NRROS: variants seen among roughly 807,000 people sequenced by gnomAD.
NRROS encodes the protein transforming growth factor beta activator LRRC33.
NRROS carries 6 observed loss-of-function variants against 12.0 expected under a neutral mutation model. That is an observed-to-expected ratio of 0.50 (90% CI 0.27 to 0.98). The LOEUF (loss-of-function observed/expected upper bound fraction) is 0.98, where lower values mean the gene tolerates loss of function less well. NRROS is among the 50% of genes least tolerant of loss of function. The pLI is 0.11. For missense variants in NRROS, 857 were observed against 888.2 expected (o/e 0.96, Z 0.45); for synonymous variants, 462 against 410.2 (o/e 1.13, Z -1.53).
rs1272067990 is a variant in NRROS, at chr3:196,654,657, C to T, written c.108+10C>T. Reference sequence around the variant, plus strand: ...AGGAGTCTGCAAGTTGGTGAGTTTCCCTTGAACCCTGATCTGTCGGCTGCT... The same window carrying T: ...AGGAGTCTGCAAGTTGGTGAGTTTCTCTTGAACCCTGATCTGTCGGCTGCT... On this transcript the variant is annotated intron_variant, in intron 2 of 2. Coordinates refer to ENST00000328557, the MANE Select transcript of NRROS (RefSeq NM_198565.3). The surrounding 1 kb of genome is among the most constrained non-coding windows in gnomAD (Gnocchi z 4.4). 2.6e-6 allele frequency: 4 copies of T among 1,545,370 alleles called. No individual in the cohort carries two copies. In the African/African-American group the frequency reaches 4.1e-5, roughly 16 times the overall value.
chr3:196,658,779 C>T (rs1197312068), intron 2 of NRROS, among the ~76,000 whole-genome samples: 2 of 152,142 alleles, frequency 1.3e-5, no homozygotes, highest in Admixed American at 6.5e-5. Context: ...CCAGCCTGGT[C>T]AACATGGTGA....
chr3:196,647,921 C>G (rs752696205), intron 1 of NRROS, among the ~76,000 whole-genome samples: 1 of 152,170 alleles, frequency 6.6e-6, no homozygotes, highest in Non-Finnish European at 1.5e-5. Flanking sequence ...AGGCTGGTCT[C>G]GAACCCCTGA....
At chr3:196,648,484 CG>C (rs1737352025) in intron 1 of NRROS, among the ~76,000 whole-genome samples, 1 of 151,912 alleles carries the variant, frequency 6.6e-6, no homozygotes, top group Non-Finnish European at 1.5e-5. Flanking sequence ...ATCCAACATC[CG>C]GCCAAGCTCA....
intron 1 of NRROS, among the ~76,000 whole-genome samples, chr3:196,644,047 C>T (rs181666303): frequency 3.9e-5 from 6 of 152,226 alleles, no homozygotes; most frequent in Non-Finnish European, 7.3e-5. Flanking sequence ...TCATGGGCCT[C>T]GGCCGTTCTC....
intron 1 of NRROS, among the ~76,000 whole-genome samples, chr3:196,651,047 G>C (rs1003827328): frequency 1.3e-5 from 2 of 152,150 alleles, no homozygotes; most frequent in Non-Finnish European, 2.9e-5. Flanking sequence ...TGAGGATGTG[G>C]GAGGAGAGGA....
In NRROS at chr3:196,654,509, C is replaced by T. The variant is rs766098469; in HGVS notation, c.-13-18C>T. ...ATGTCCTTCTCTGACTTACCTCTTC[C>T]CTGCTCTCTGTCCACAGGGCTGCCC... On this transcript the variant is annotated intron_variant, in intron 1 of 2. Coordinates refer to ENST00000328557, the MANE Select transcript of NRROS (RefSeq NM_198565.3). The surrounding 1 kb of genome is among the most constrained non-coding windows in gnomAD (Gnocchi z 4.4). 3.5e-6 allele frequency: 5 copies of T among 1,447,488 alleles called. No homozygotes were observed. In the Admixed American group the frequency reaches 5.0e-5, roughly 15 times the overall value. The allele number at this position is 1,447,488 out of a possible 1,614,324, so 89.7% of individuals were successfully genotyped here. A position where few individuals can be genotyped will look rare whatever the true frequency, so the allele number is the denominator to read the frequency against.
chr3:196,643,367 A>G (rs1350048948), intron 1 of NRROS, among the ~76,000 whole-genome samples: 1 of 152,146 alleles, frequency 6.6e-6, no homozygotes, highest in Non-Finnish European at 1.5e-5. Flanking sequence ...CATGGTCCTC[A>G]CCCACGAGGT....
chr3:196,660,987 C>T lies in NRROS; in HGVS notation c.1344C>T (p.Asp448=), dbSNP rs1416381220. Residue 448 remains aspartate, a synonymous_variant, in exon 3 of 3, where the codon GAC becomes GAT. Transcript: ENST00000328557. This position sits in a 1 kb window ranked among gnomAD's most constrained non-coding sequence, Gnocchi z 7.7. ...ISLCPLPAAS[D]RVGPPSCVDF... is the part of the protein sequence containing the mutation. ...TTTGTCCCCTGCCAGCTGCCTCGGA[C>T]CGGGTGGGCCCCCCTAGCTGTGTGG... 3.1e-6 allele frequency: 5 copies of T among 1,614,238 alleles called. No individual in the cohort carries two copies. Among genetic ancestry groups the T allele is most frequent in the Non-Finnish European group, 3.4e-6 (4 of 1,180,042 alleles).
At chr3:196,646,576 C>T (rs1229915968) in intron 1 of NRROS, among the ~76,000 whole-genome samples, 7 of 152,224 alleles carry the variant, frequency 4.6e-5, no homozygotes, top group Non-Finnish European at 1.0e-4. Context: ...ACGCTGACCA[C>T]GTAGGGAAGC....
chr3:196,659,852 A>C lies in NRROS; in HGVS notation c.209A>C (p.Lys70Thr). 1 of 1,614,002 alleles carries C rather than the reference A, an allele frequency of 6.2e-7. No homozygotes were observed. The highest frequency in any genetic ancestry group is 8.5e-7 in the Non-Finnish European group (1 of 1,179,950). Residue 70 changes from lysine (K) to threonine (T), a missense_variant, in exon 3 of 3, where the codon AAG (lysine) becomes ACG (threonine). By Grantham distance (78) the Lys-to-Thr change is moderately conservative. Transcript: ENST00000328557. ...CTCACCCTGGATGCCAACCCTCTCAAGACCCTGTGGAATCACTCCCTCCAG... is the reference window on the plus strand; with the variant it reads ...CTCACCCTGGATGCCAACCCTCTCACGACCCTGTGGAATCACTCCCTCCAG... Reference protein sequence around the residue: ...RMLTLDANPLKTLWNHSLQPY... With the variant: ...RMLTLDANPLTTLWNHSLQPY...
At chr3:196,641,120 A>G (rs1737200043) in intron 1 of NRROS, among the ~76,000 whole-genome samples, 1 of 149,586 alleles carries the variant, frequency 6.7e-6, no homozygotes, top group South Asian at 2.1e-4. Flanking sequence ...AAAAAACCTT[A>G]ACTCCTGCCT....
intron 1 of NRROS, among the ~76,000 whole-genome samples, chr3:196,647,039 C>T (rs370036314): frequency 6.6e-6 from 1 of 152,156 alleles, no homozygotes; most frequent in African/African-American, 2.4e-5. Flanking sequence ...ATTTTTTTAT[C>T]ATACCACGTC....
chr3:196,656,680 T>C (rs916125158), intron 2 of NRROS, among the ~76,000 whole-genome samples: 2 of 152,162 alleles, frequency 1.3e-5, no homozygotes, highest in Non-Finnish European at 2.9e-5. Flanking sequence ...ACAGTAGTTA[T>C]TCAGGGGTTA....
At chr3:196,659,127 C>T (rs1411972763) in intron 2 of NRROS, among the ~76,000 whole-genome samples, 3 of 152,114 alleles carry the variant, frequency 2.0e-5, no homozygotes, top group Admixed American at 1.3e-4. Flanking sequence ...TCGTCCCTCC[C>T]GCCTCCTTAT....
chr3:196,657,262 G>A (rs1017582352), intron 2 of NRROS, among the ~76,000 whole-genome samples: 6 of 151,844 alleles, frequency 4.0e-5, no homozygotes, highest in Admixed American at 1.3e-4. Context: ...ATGGCCATAT[G>A]GTCCTTCTAC....
At chr3:196,650,064 T>C (rs974908310) in intron 1 of NRROS, among the ~76,000 whole-genome samples, 2 of 152,174 alleles carry the variant, frequency 1.3e-5, no homozygotes, top group African/African-American at 2.4e-5. Flanking sequence ...ACAATTCAGA[T>C]ATCCAGCGTG....
chr3:196,661,845 T>C lies in NRROS; in HGVS notation c.*123T>C, dbSNP rs916227838. ...TTGAAGTTTCAATTAAAATTTAATA[T>C]GTTTCCATTCCTCATCGCCCACCCC... On this transcript the variant is annotated 3_prime_UTR_variant, in exon 3 of 3. Transcript: ENST00000328557. 2.3e-6 allele frequency: 2 copies of C among 865,244 alleles called. No individual in the cohort carries two copies. The highest frequency in any genetic ancestry group is 2.7e-5 in the East Asian group (1 of 37,598). 53.6% of individuals were successfully genotyped at this position (865,244 alleles called of 1,614,324 possible).
chr3:196,659,941 G>A lies in NRROS; in HGVS notation c.298G>A (p.Ala100Thr), dbSNP rs750490618. 6 of 1,614,032 alleles carry A rather than the reference G, an allele frequency of 3.7e-6. No individual in the cohort carries two copies. In the Admixed American group the frequency reaches 8.3e-5, roughly 22 times the overall value. The change falls in exon 3 of 3, where the codon GCC becomes ACC. Residue 100 changes from alanine to threonine, a missense_variant. Physicochemically the swap from Ala to Thr is moderately conservative, Grantham distance 58. Coordinates refer to ENST00000328557, the MANE Select transcript of NRROS (RefSeq NM_198565.3). ...SCHLERISRGAFQEQGHLRSL... is the reference protein window; with the variant it reads ...SCHLERISRGTFQEQGHLRSL... ...CCACCTGGAGCGCATCAGCCGCGGC[G>A]CCTTCCAGGAGCAAGGTCACCTGCG...
In NRROS at chr3:196,660,379, G is replaced by A. The variant is rs1737642894; in HGVS notation, c.736G>A (p.Gly246Arg). 1 of 1,614,004 alleles carries A rather than the reference G, an allele frequency of 6.2e-7. No homozygotes were observed. Among genetic ancestry groups the A allele is most frequent in the Non-Finnish European group, 8.5e-7 (1 of 1,179,970 alleles). ...CCTGGAGTGGTTCCTCGCGACCGGGGGAGAGGCTGCCTTCGAGCTGGAGAC... is the reference window on the plus strand; with the variant it reads ...CCTGGAGTGGTTCCTCGCGACCGGGAGAGAGGCTGCCTTCGAGCTGGAGAC... ...NVLEWFLATG[G>R]EAAFELETLD... Residue 246 changes from glycine (G) to arginine (R), a missense_variant, in exon 3 of 3, where the codon GGA becomes AGA. Coordinates refer to ENST00000328557, the MANE Select transcript of NRROS (RefSeq NM_198565.3). This position sits in a 1 kb window ranked among gnomAD's most constrained non-coding sequence, Gnocchi z 7.7.
Sources: gnomAD v4.1 joint callset for allele counts (sites outside exome capture counted in the v4.1 genomes callset) on GRCh38, gnomAD v4.1.1 for gene constraint, Gnocchi (gnomAD v3.1) non-coding constraint, MANE v1.5 for transcripts, NCBI Gene and HGNC (gene_info 2026-07-23, HGNC 2026-07-21) for gene names.